Variants in FSHR observed in about 807,000 individuals in gnomAD.
FSHR encodes the protein follicle stimulating hormone receptor, also known as follicle-stimulating hormone receptor.
Under a neutral mutation model 52.1 loss-of-function variants are expected in FSHR, and 46 were observed. The observed-to-expected ratio is 0.88, with a 90% CI of 0.70 to 1.13. The LOEUF (loss-of-function observed/expected upper bound fraction) is 1.13, where lower values mean the gene tolerates loss of function less well. Ranked by LOEUF, FSHR falls within the 50% of genes most tolerant of loss-of-function variation. The pLI is 0.00. For missense variants in FSHR, 964 were observed against 834.6 expected (o/e 1.16, Z -1.91); for synonymous variants, 399 against 309.6 (o/e 1.29, Z -3.03).
At chr2:49,074,305 C>G (rs1447614952) in intron 1 of FSHR, among the ~76,000 whole-genome samples, 1 of 151,902 alleles carries the variant, frequency 6.6e-6, no homozygotes, top group Non-Finnish European at 1.5e-5. Flanking sequence ...AAGATTAACT[C>G]AAACATCTCA....
At chr2:48,995,747 G>A (rs753025202) in intron 4 of FSHR, among the ~76,000 whole-genome samples, 2 of 152,100 alleles carry the variant, frequency 1.3e-5, no homozygotes, top group Non-Finnish European at 2.9e-5. Flanking sequence ...TGGTGGTTGA[G>A]AACCAACTGT....
At chr2:49,124,360 C>G (rs1671925499) in intron 1 of FSHR, among the ~76,000 whole-genome samples, 1 of 151,958 alleles carries the variant, frequency 6.6e-6, no homozygotes. Context: ...AAAAGTTTAT[C>G]CTAGGTGGTA....
intron 1 of FSHR, among the ~76,000 whole-genome samples, chr2:49,147,651 A>C (rs987319012): frequency 6.6e-6 from 1 of 152,012 alleles, no homozygotes; most frequent in African/African-American, 2.4e-5. Flanking sequence ...CTTCTACTTT[A>C]AAGGATTCTT....
Position 48,962,817 on chromosome 2 carries a change from C to G in FSHR, c.2004G>C (p.Arg668Ser). 1 of 1,614,110 alleles carries G rather than the reference C, an allele frequency of 6.2e-7. No homozygotes were observed. Among genetic ancestry groups the G allele is most frequent in the Non-Finnish European group, 8.5e-7 (1 of 1,180,004 alleles). ...TSSTVHNTHP[R>S]NGHCSSAPRV... ...TGGGAGCTGAAGAGCAGTGGCCATTCCTTGGATGGGTGTTGTGGACAGTGG... is the reference window on the plus strand; with the variant it reads ...TGGGAGCTGAAGAGCAGTGGCCATTGCTTGGATGGGTGTTGTGGACAGTGG... Residue 668 changes from arginine (R) to serine (S), a missense_variant, in exon 10 of 10, where the codon AGG becomes AGC. By Grantham distance (110) the Arg-to-Ser change is moderately radical. Coordinates refer to ENST00000406846, the MANE Select transcript of FSHR (RefSeq NM_000145.4).
At chr2:49,098,832 TATATA>T (rs1460893101) in intron 1 of FSHR, among the ~76,000 whole-genome samples, 4 of 146,646 alleles carry the variant, frequency 2.7e-5, no homozygotes, top group African/African-American at 9.9e-5. Context: ...TATTATATAT[TATATA>T]TTATATTATA....
rs548516900 is a variant in FSHR, at chr2:49,016,921, C to G, written c.374+568G>C. 2.0e-4 allele frequency among the ~76,000 whole-genome samples: 30 copies of G among 152,300 alleles called. 1 individual carries two copies. Among genetic ancestry groups the G allele is most frequent in the African/African-American group, 7.0e-4 (29 of 41,574 alleles). On this transcript the variant is annotated intron_variant, in intron 4 of 9. Coordinates refer to ENST00000406846, the MANE Select transcript of FSHR (RefSeq NM_000145.4). ...TTTTGTGGGGTCCCATTATAACACTCATGGCTCTGTCAAGCCCTCAGCTAA... is the reference window on the plus strand; with the variant it reads ...TTTTGTGGGGTCCCATTATAACACTGATGGCTCTGTCAAGCCCTCAGCTAA...
intron 1 of FSHR, among the ~76,000 whole-genome samples, chr2:49,093,677 C>T (rs2103700774): frequency 6.6e-6 from 1 of 151,008 alleles, no homozygotes; most frequent in African/African-American, 2.4e-5. Flanking sequence ...TCGCTGCAAC[C>T]TCTGCCTCCC....
intron 1 of FSHR, among the ~76,000 whole-genome samples, chr2:49,151,953 T>C (rs1364821927): frequency 2.0e-5 from 3 of 152,128 alleles, no homozygotes; most frequent in Admixed American, 6.5e-5. Context: ...TTTTTTAAAA[T>C]CTAATAGACA....
At chr2:48,996,604 T>A (rs1403063917) in intron 4 of FSHR, among the ~76,000 whole-genome samples, 6 of 152,046 alleles carry the variant, frequency 3.9e-5, no homozygotes, top group Admixed American at 3.9e-4. Context: ...AACCATGACA[T>A]CACCAAGAAA....
At chr2:48,996,648 G>A (rs1362378036) in intron 4 of FSHR, among the ~76,000 whole-genome samples, 3 of 152,026 alleles carry the variant, frequency 2.0e-5, no homozygotes, top group African/African-American at 7.2e-5. Flanking sequence ...GCCCTAGATA[G>A]ACCATGCAAA....
intron 1 of FSHR, among the ~76,000 whole-genome samples, chr2:49,123,588 T>C (rs188536060): frequency 3.3e-5 from 5 of 152,356 alleles, no homozygotes; most frequent in Admixed American, 3.3e-4. Context: ...CCACAGTGTA[T>C]ACATGTATTG....
chr2:49,032,116 G>T lies in FSHR; in HGVS notation c.225-11956C>A, dbSNP rs200031252. On this transcript the variant is annotated intron_variant, in intron 2 of 9. Transcript: ENST00000406846. ...TACCCTCCCACCTGAGCAGTGGAGT[G>T]GGAAAGAAACCCCATTCCAATTTTA... is the stretch of plus-strand genomic sequence containing the variant. Among the ~76,000 whole-genome samples, 8 of 152,182 alleles carry T rather than the reference G, an allele frequency of 5.3e-5. No homozygotes were observed. In the East Asian group the frequency reaches 1.5e-3, roughly 29 times the overall value.
At chr2:49,095,404 G>A (rs887628380) in intron 1 of FSHR, among the ~76,000 whole-genome samples, 1 of 152,064 alleles carries the variant, frequency 6.6e-6, no homozygotes, top group Non-Finnish European at 1.5e-5. Context: ...AAATGGTGCT[G>A]GGACAACTAA....
intron 8 of FSHR, 63 bp from the exon 9 acceptor site, chr2:48,968,946 T>A: frequency 6.8e-7 from 1 of 1,468,096 alleles, no homozygotes. Flanking sequence ...TGCTCTTGGT[T>A]AGCAGGCAAA....
rs141096812 is a variant in FSHR at position 49,148,379 on chromosome 2, C to T, written c.152+5887G>A. Among the ~76,000 whole-genome samples, 552 of 152,086 alleles carry T rather than the reference C, an allele frequency of 3.6e-3. 2 individuals carry two copies. Among genetic ancestry groups the T allele is most frequent in the African/African-American group, 0.013 (527 of 41,520 alleles). On this transcript the variant is annotated intron_variant, in intron 1 of 9. Transcript: ENST00000406846. ...AGCTATCCGATCCTATACTAGTTCA[C>T]TGCAGGAGAAAGTAATAATCATCTT... is the stretch of plus-strand genomic sequence containing the variant.
At chr2:49,136,236 C>G (rs1672483394) in intron 1 of FSHR, among the ~76,000 whole-genome samples, 1 of 152,030 alleles carries the variant, frequency 6.6e-6, no homozygotes, top group Non-Finnish European at 1.5e-5. Context: ...TACAAATGCA[C>G]ACCAATAAGT....
At chr2:49,092,391 A>G (rs928173576) in intron 1 of FSHR, among the ~76,000 whole-genome samples, 1 of 152,166 alleles carries the variant, frequency 6.6e-6, no homozygotes, top group Non-Finnish European at 1.5e-5. Flanking sequence ...TACCCTAGCA[A>G]AGGCTTCTAG....
rs141060864 is a variant in FSHR, at chr2:49,076,996, C to A, written c.153-8706G>T. ...CTCCCTCCCATGTGTCTTCCAGCCA[C>A]ATGGTGCAAACTGTCGGTGGATCTA... On this transcript the variant is annotated intron_variant, in intron 1 of 9. Transcript: ENST00000406846. Among the ~76,000 whole-genome samples, 645 of 152,266 alleles carry A rather than the reference C, an allele frequency of 4.2e-3. 5 individuals are homozygous for A. Among genetic ancestry groups the A allele is most frequent in the African/African-American group, 0.015 (612 of 41,558 alleles).
At chr2:49,139,540 T>C (rs1672602204) in intron 1 of FSHR, among the ~76,000 whole-genome samples, 1 of 152,122 alleles carries the variant, frequency 6.6e-6, no homozygotes, top group Non-Finnish European at 1.5e-5. Flanking sequence ...GTGAGGCATA[T>C]ACTTGGAGAA....
Sources: allele counts gnomAD v4.1 joint callset (sites outside exome capture counted in the v4.1 genomes callset), GRCh38; gene constraint gnomAD v4.1.1; transcripts MANE v1.5; gene names NCBI Gene and HGNC (gene_info 2026-07-23, HGNC 2026-07-21).